KDM3B: variants seen among roughly 807,000 people sequenced by gnomAD.
The protein encoded by KDM3B is lysine demethylase 3B.
Under a neutral mutation model 170.0 loss-of-function variants are expected in KDM3B, and 10 were observed. That is an observed-to-expected ratio of 0.06 (90% confidence interval 0.04 to 0.10). The LOEUF (loss-of-function observed/expected upper bound fraction) is 0.10, where lower values mean the gene tolerates loss of function less well. Ranked by LOEUF, KDM3B falls within the 10% of genes least tolerant of loss-of-function variation. The probability of loss-of-function intolerance (pLI) is 1.00; values close to 1 mark genes in which losing one functional copy is unlikely to be tolerated. For synonymous variants in KDM3B, 831 were observed against 834.8 expected (o/e 1.00, Z 0.08); for missense variants, 1,394 against 2,195.2 (o/e 0.64, Z 7.29).
chr5:138,393,266 C>G lies in KDM3B; in HGVS notation c.2725C>G (p.Pro909Ala). Residue 909 changes from proline to alanine, a missense_variant, in exon 9 of 24, where the codon CCT (proline) becomes GCT (alanine). By Grantham distance (27) the Pro-to-Ala change is conservative. Transcript: ENST00000314358. ...LQDGSCINVA[P>A]HLHKCRECRL... ...GGATGGGTCATGCATCAATGTGGCACCTCATCTGCACAAGTGTCGTGAATG... is the reference window on the plus strand; with the variant it reads ...GGATGGGTCATGCATCAATGTGGCAGCTCATCTGCACAAGTGTCGTGAATG... 6.2e-7 allele frequency: 1 copy of G among 1,614,204 alleles called. No individual in the cohort carries two copies. Among genetic ancestry groups the G allele is most frequent in the Non-Finnish European group, 8.5e-7 (1 of 1,180,026 alleles).
intron 1 of KDM3B, among the ~76,000 whole-genome samples, chr5:138,364,402 T>C (rs1234142233): frequency 6.6e-6 from 1 of 152,174 alleles, no homozygotes; most frequent in African/African-American, 2.4e-5. Flanking sequence ...CTGAGTAATT[T>C]AACTCTTCTC....
intron 1 of KDM3B, among the ~76,000 whole-genome samples, chr5:138,361,927 A>G (rs770686461): frequency 3.9e-5 from 6 of 152,290 alleles, no homozygotes; most frequent in South Asian, 4.1e-4. Flanking sequence ...CGCCACCCCA[A>G]AATATGCTGC....
At position 138,431,439 on chromosome 5, in the gene KDM3B, C is replaced by A; in HGVS notation, c.5085C>A (p.Tyr1695Ter). 6.2e-7 allele frequency: 1 copy of A among 1,608,996 alleles called. No individual in the cohort carries two copies. The highest frequency in any genetic ancestry group is 8.5e-7 in the Non-Finnish European group (1 of 1,177,894). ...AGAPHQVHNL[Y>*]SCIKVAEDFV... ...GCCCTTCTCAGGTTCACAATCTATA[C>A]AGTTGCATAAAAGTAGCAGAAGACT... Residue 1695 changes from tyrosine to a stop codon, truncating the protein, a stop_gained, in exon 23 of 24, where the codon TAC becomes TAA. Transcript: ENST00000314358. LOFTEE classifies it high-confidence loss of function.
At chr5:138,387,647 ACGAGGAGAAGG>A (rs1293849645) in intron 7 of KDM3B, among the ~76,000 whole-genome samples, 58 of 152,322 alleles carry the variant, frequency 3.8e-4, no homozygotes, top group African/African-American at 1.4e-3. Context: ...GTCCACACAG[ACGAGGAGAAGG>A]CCTGTAAATG....
chr5:138,399,151 G>T (rs1438892872), intron 10 of KDM3B, among the ~76,000 whole-genome samples: 1 of 151,580 alleles, frequency 6.6e-6, no homozygotes, highest in Admixed American at 6.6e-5. Flanking sequence ...GCCTTCCAAA[G>T]TGCTGGGGTT....
In KDM3B at chr5:138,393,297, T is replaced by A; in HGVS notation, c.2756T>A (p.Leu919Gln). Residue 919 changes from leucine (L) to glutamine (Q), a missense_variant, in exon 9 of 24, where the codon CTG becomes CAG. Leu to Gln is a moderately radical substitution (Grantham distance 113, BLOSUM62 -2). Coordinates refer to ENST00000314358, the MANE Select transcript of KDM3B (RefSeq NM_016604.4). Reference sequence around the variant, plus strand: ...CTGCACAAGTGTCGTGAATGCCGCCTGGAGCGGTACCGGAAGTTTAAGGAA... The same window carrying A: ...CTGCACAAGTGTCGTGAATGCCGCCAGGAGCGGTACCGGAAGTTTAAGGAA... ...PHLHKCRECR[L>Q]ERYRKFKEQE... 1 of 1,614,248 alleles carries A rather than the reference T, an allele frequency of 6.2e-7. No individual in the cohort carries two copies. Among genetic ancestry groups the A allele is most frequent in the Non-Finnish European group, 8.5e-7 (1 of 1,180,036 alleles).
intron 1 of KDM3B, among the ~76,000 whole-genome samples, chr5:138,360,522 TTGTGTGTGTGTGTGTG>T (rs55976818): frequency 7.3e-6 from 1 of 137,898 alleles, no homozygotes; most frequent in Non-Finnish European, 1.5e-5. Flanking sequence ...TAAAAAAAGA[TTGTGTGTGTGTGTGTG>T]TGTGTGTGTG....
chr5:138,427,887 G>A, intron 19 of KDM3B, 80 bp from the exon 20 acceptor site: 1 of 1,341,000 alleles, frequency 7.5e-7, no homozygotes, highest in Non-Finnish European at 1.0e-6. Context: ...ACACCCTTGA[G>A]CATGTTTTCA....
chr5:138,400,612 T>C lies in KDM3B; in HGVS notation c.3199+600T>C, dbSNP rs377023225. On this transcript the variant is annotated intron_variant, in intron 11 of 23. Transcript: ENST00000314358. ...TAAAATAAAATTAGCTAGCTAGATA[T>C]GGTGGCACATGCTTGTAGTCACAGC... 3.6e-3 allele frequency among the ~76,000 whole-genome samples: 545 copies of C among 152,120 alleles called. 1 individual carries two copies. Among genetic ancestry groups the C allele is most frequent in the Non-Finnish European group, 6.0e-3 (408 of 67,986 alleles).
intron 23 of KDM3B, among the ~76,000 whole-genome samples, chr5:138,434,776 T>C (rs1763632402): frequency 6.6e-6 from 1 of 152,248 alleles, no homozygotes; most frequent in South Asian, 2.1e-4. Context: ...TTTTACTCAC[T>C]GCTTTTCCTT....
intron 14 of KDM3B, among the ~76,000 whole-genome samples, chr5:138,419,874 GT>G (rs1248075940): frequency 2.7e-5 from 4 of 150,622 alleles, no homozygotes; most frequent in Admixed American, 6.6e-5. Context: ...TATACAAGGG[GT>G]TTTTTTTGTT....
chr5:138,410,556 C>T (rs1489849104), intron 11 of KDM3B, among the ~76,000 whole-genome samples: 9 of 151,808 alleles, frequency 5.9e-5, no homozygotes, highest in African/African-American at 1.2e-4. Flanking sequence ...CCGTGTGCGG[C>T]GACAAGAGAG....
intron 4 of KDM3B, among the ~76,000 whole-genome samples, chr5:138,378,918 T>A (rs964551966): frequency 2.0e-5 from 3 of 151,918 alleles, no homozygotes; most frequent in Non-Finnish European, 2.9e-5. Flanking sequence ...TAGTCTCAAA[T>A]GTACAAGGAT....
chr5:138,420,886 C>T lies in KDM3B; in HGVS notation c.3896C>T (p.Ser1299Phe). The T allele has an allele frequency of 6.2e-7, 1 of 1,614,144 alleles. No individual in the cohort carries two copies. Among genetic ancestry groups the T allele is most frequent in the Non-Finnish European group, 8.5e-7 (1 of 1,180,006 alleles). ...TCTAGCCTTCGAGACCTCCTTCACT[C>T]CGGGCCGGGAAAACTTCCTCAAACC... Reference protein sequence around the residue: ...EGSSLRDLLHSGPGKLPQTPL... With the variant: ...EGSSLRDLLHFGPGKLPQTPL... Residue 1299 changes from serine (S) to phenylalanine (F), a missense_variant, in exon 15 of 24, where the codon TCC becomes TTC. Coordinates refer to ENST00000314358, the MANE Select transcript of KDM3B (RefSeq NM_016604.4).
At chr5:138,384,058 C>T (rs1762192860) in intron 6 of KDM3B, among the ~76,000 whole-genome samples, 1 of 146,982 alleles carries the variant, frequency 6.8e-6, no homozygotes, top group Non-Finnish European at 1.5e-5. Context: ...AGATCGAGAC[C>T]ATGGTGAAGC....
intron 12 of KDM3B, among the ~76,000 whole-genome samples, chr5:138,415,784 G>A (rs745624634): frequency 6.6e-6 from 1 of 151,966 alleles, no homozygotes; most frequent in South Asian, 2.1e-4. Context: ...TAGTGTGCAC[G>A]TGGCCACTGC....
intron 9 of KDM3B, among the ~76,000 whole-genome samples, chr5:138,396,678 G>A (rs970586896): frequency 6.6e-6 from 1 of 152,128 alleles, no homozygotes; most frequent in Non-Finnish European, 1.5e-5. Flanking sequence ...GGGAAGTGTG[G>A]TAGTGTCGTG....
Position 138,415,197 on chromosome 5 carries a change from G to A in KDM3B, c.3265G>A (p.Glu1089Lys), listed in dbSNP as rs759152984. 1 of 1,610,090 alleles carries A rather than the reference G, an allele frequency of 6.2e-7. No individual in the cohort carries two copies. Among genetic ancestry groups the A allele is most frequent in the Non-Finnish European group, 8.5e-7 (1 of 1,177,110 alleles). Reference protein sequence around the residue: ...WLKCAKGQSHEPENLMPTQII... With the variant: ...WLKCAKGQSHKPENLMPTQII... ...GAAGTGTGCAAAGGGACAGTCCCACGAACCAGAGAATCTCATGCCCACACA... is the reference window on the plus strand; with the variant it reads ...GAAGTGTGCAAAGGGACAGTCCCACAAACCAGAGAATCTCATGCCCACACA... The change falls in exon 12 of 24, where the codon GAA becomes AAA. Residue 1089 changes from glutamate to lysine, a missense_variant. Glu to Lys is a moderately conservative substitution (Grantham distance 56). Coordinates refer to ENST00000314358, the MANE Select transcript of KDM3B (RefSeq NM_016604.4).
Position 138,391,540 on chromosome 5 carries a change from T to C in KDM3B, c.1908T>C (p.Pro636=), listed in dbSNP as rs142013306. The part of the protein sequence containing the change: ...PKLSREEPSN[P]FLAFVEKVEH... The stretch of plus-strand genomic sequence containing the variant: ...TGTCCCGAGAAGAGCCTTCTAATCC[T>C]TTCCTGGCATTTGTGGAGAAAGTTG... Residue 636 remains proline (P), a synonymous_variant, in exon 8 of 24, where the codon CCT becomes CCC. Transcript: ENST00000314358. This position sits in a 1 kb window ranked among gnomAD's most constrained non-coding sequence, Gnocchi z 5.0. 6.4e-5 allele frequency: 103 copies of C among 1,613,930 alleles called. No homozygotes were observed. In the African/African-American group the frequency reaches 1.2e-3, roughly 18 times the overall value.
Sources: gnomAD v4.1 joint callset for allele counts (sites outside exome capture counted in the v4.1 genomes callset) on GRCh38, gnomAD v4.1.1 for gene constraint, Gnocchi (gnomAD v3.1) non-coding constraint, MANE v1.5 for transcripts, NCBI Gene and HGNC (gene_info 2026-07-23, HGNC 2026-07-21) for gene names.